ZNF180: variants seen among roughly 807,000 people sequenced by gnomAD.
ZNF180 encodes the protein zinc finger protein 180.
ZNF180 carries 11 observed loss-of-function variants against 11.8 expected under a neutral mutation model. The observed-to-expected ratio is 0.93, with a 90% confidence interval of 0.59 to 1.55. The LOEUF (loss-of-function observed/expected upper bound fraction) is 1.55, where lower values mean the gene tolerates loss of function less well. ZNF180 is among the 40% of genes most tolerant of loss of function. The pLI, the probability that ZNF180 is intolerant of heterozygous loss-of-function variation, is 0.00. For missense variants in ZNF180, 773 were observed against 781.7 expected (o/e 0.99, Z 0.13); for synonymous variants, 287 against 257.7 (o/e 1.11, Z -1.09).
chr19:44,498,181 C>T (rs1249281989), intron 1 of ZNF180, among the ~76,000 whole-genome samples: 1 of 152,154 alleles, frequency 6.6e-6, no homozygotes, highest in African/African-American at 2.4e-5. Flanking sequence ...CTGCATAGGG[C>T]TGGGGGCCTC....
chr19:44,476,269 CAATT>C lies in ZNF180; in HGVS notation c.*129_*132del. 1 of 876,306 alleles carries C rather than the reference CAATT, an allele frequency of 1.1e-6. No homozygotes were observed. 54.3% of individuals were successfully genotyped at this position (876,306 alleles called of 1,614,324 possible). ...TTTTCCAGAACAAATTTGAGACACA[CAATT>C]AACAGAGGGCTGGAAGTTTTCCCAC... On this transcript the variant is annotated 3_prime_UTR_variant, in exon 5 of 5. Transcript: ENST00000592529.
At chr19:44,497,079 T>A (rs1284351574) in intron 2 of ZNF180, among the ~76,000 whole-genome samples, 1 of 152,182 alleles carries the variant, frequency 6.6e-6, no homozygotes, top group Non-Finnish European at 1.5e-5. Flanking sequence ...GATGCCAAAT[T>A]CCTTCCAGAA....
At chr19:44,499,030 C>A (rs937680029) in intron 1 of ZNF180, among the ~76,000 whole-genome samples, 3 of 152,216 alleles carry the variant, frequency 2.0e-5, no homozygotes, top group Non-Finnish European at 4.4e-5. Context: ...GTGTCTCAAC[C>A]TGCCTGGGAC....
intron 3 of ZNF180, 196 bp from the exon 4 acceptor site, chr19:44,479,605 C>T (rs1669786254): frequency 1.7e-6 from 1 of 601,176 alleles, no homozygotes; most frequent in African/African-American, 1.9e-5. Context: ...GATGCTGGAC[C>T]TGTTTTTACA....
intron 3 of ZNF180, among the ~76,000 whole-genome samples, chr19:44,481,538 C>T (rs920280471): frequency 6.6e-6 from 1 of 152,080 alleles, no homozygotes; most frequent in Admixed American, 6.5e-5. Flanking sequence ...TAATACTAAA[C>T]TAGATTAGCA....
In ZNF180 at chr19:44,476,755, G is replaced by T. The variant is rs1568421505; in HGVS notation, c.1645C>A (p.Pro549Thr). 1 of 1,614,132 alleles carries T rather than the reference G, an allele frequency of 6.2e-7. No individual in the cohort carries two copies. Among genetic ancestry groups the T allele is most frequent in the Non-Finnish European group, 8.5e-7 (1 of 1,179,998 alleles). ...MHQRIHTGEKPYECNQCGKSF... is the reference protein window; with the variant it reads ...MHQRIHTGEKTYECNQCGKSF... ...TTCCCACACTGATTACATTCATACG[G>T]TTTTTCCCCAGTGTGAATTCTCTGA... Residue 549 changes from proline to threonine, a missense_variant, in exon 5 of 5, where the codon CCG (proline) becomes ACG (threonine). Physicochemically the swap from Pro to Thr is conservative, Grantham distance 38. Coordinates refer to ENST00000592529, the MANE Select transcript of ZNF180 (RefSeq NM_001278509.3).
rs1367367371 is a variant in ZNF180, at chr19:44,476,634, T to C, written c.1766A>G (p.Gln589Arg). The change falls in exon 5 of 5, where the codon CAG (glutamine) becomes CGG (arginine). Residue 589 changes from glutamine (Q) to arginine (R), a missense_variant. Transcript: ENST00000592529. ...CTGATGTTGAGTAAGGCATGAACTC[T>C]GTCTGAAGGACTTCCCACATTGACT... is the stretch of plus-strand genomic sequence containing the variant. ...ECSQCGKSFRQSSCLTQHQRT... is the reference protein window; with the variant it reads ...ECSQCGKSFRRSSCLTQHQRT... 3 of 1,614,064 alleles carry C rather than the reference T, an allele frequency of 1.9e-6. No individual in the cohort carries two copies. Among genetic ancestry groups the C allele is most frequent in the African/African-American group, 2.7e-5 (2 of 74,946 alleles).
chr19:44,477,976 G>A lies in ZNF180; in HGVS notation c.424C>T (p.Gln142Ter). 2 of 1,613,968 alleles carry A rather than the reference G, an allele frequency of 1.2e-6. No homozygotes were observed. Among genetic ancestry groups the A allele is most frequent in the Non-Finnish European group, 1.7e-6 (2 of 1,179,968 alleles). Reference sequence around the variant, plus strand: ...GCCACTTCCTGCAAAAGTATCTCTTGTTTTTCCTGTTGCTTCTCCAACTGG... The same window carrying A: ...GCCACTTCCTGCAAAAGTATCTCTTATTTTTCCTGTTGCTTCTCCAACTGG... ...KDQLEKQQEK[Q>*]EILLQEVAFT... Residue 142 changes from glutamine (Q) to a stop codon, truncating the protein, a stop_gained, in exon 5 of 5, where the codon CAA becomes TAA. Coordinates refer to ENST00000592529, the MANE Select transcript of ZNF180 (RefSeq NM_001278509.3). LOFTEE classifies it low-confidence loss of function (END_TRUNC).
intron 3 of ZNF180, among the ~76,000 whole-genome samples, chr19:44,482,944 T>A (rs1970120870): frequency 6.6e-6 from 1 of 152,234 alleles, no homozygotes; most frequent in Non-Finnish European, 1.5e-5. Flanking sequence ...CATCAGTTCA[T>A]ATGGCTAACC....
Position 44,477,688 on chromosome 19 carries a change from T to C in ZNF180, c.712A>G (p.Arg238Gly), listed in dbSNP as rs1279598572. ...TAGGATTTATCTTTTGTTTGAGTTCTTGTAAACTGAATAAGGTGAATGCTC... is the reference window on the plus strand; with the variant it reads ...TAGGATTTATCTTTTGTTTGAGTTCCTGTAAACTGAATAAGGTGAATGCTC... ...PQSIHLIQFT[R>G]TQTKDKSYGF... The change falls in exon 5 of 5, where the codon AGA becomes GGA. Residue 238 changes from arginine (R) to glycine (G), a missense_variant. Physicochemically the swap from Arg to Gly is moderately radical, Grantham distance 125. Coordinates refer to ENST00000592529, the MANE Select transcript of ZNF180 (RefSeq NM_001278509.3). 4 of 1,613,928 alleles carry C rather than the reference T, an allele frequency of 2.5e-6. No homozygotes were observed. The highest frequency in any genetic ancestry group is 1.1e-5 in the South Asian group (1 of 91,090).
rs1358488315 is a variant in ZNF180 at position 44,478,070 on chromosome 19, C to T, written c.330G>A (p.Val110=). Residue 110 remains valine, a synonymous_variant, in exon 5 of 5, where the codon GTG becomes GTA. Coordinates refer to ENST00000592529, the MANE Select transcript of ZNF180 (RefSeq NM_001278509.3). ...CATCCCTTGTAAACCTTTCTATCTT[C>T]ACTCCATTAGCTGGTTCTTCATCAA... ...RIFDEEPANG[V]KIERFTRDDP... 1 of 1,612,776 alleles carries T rather than the reference C, an allele frequency of 6.2e-7. No homozygotes were observed. The highest frequency in any genetic ancestry group is 1.3e-5 in the African/African-American group (1 of 74,918).
At chr19:44,478,194 G>A (rs1401868886) in intron 4 of ZNF180, 48 bp from the exon 5 acceptor site, 267 of 1,431,672 alleles carry the variant, frequency 1.9e-4, no homozygotes, top group South Asian at 9.2e-4. Flanking sequence ...TATTAGAGAT[G>A]GAAAAATGGA....
At position 44,500,411 on chromosome 19, in the gene ZNF180, G is replaced by A; in HGVS notation, c.-180C>T. On this transcript the variant is annotated 5_prime_UTR_variant, in exon 1 of 5. Transcript: ENST00000592529. ...AACACGGCCGACTCGGGTTAAGCTAGTTCGGTCCCCTCTCCTAGTCAGCAT... is the reference window on the plus strand; with the variant it reads ...AACACGGCCGACTCGGGTTAAGCTAATTCGGTCCCCTCTCCTAGTCAGCAT... 1.3e-6 allele frequency: 1 copy of A among 748,816 alleles called. No homozygotes were observed. Among genetic ancestry groups the A allele is most frequent in the Non-Finnish European group, 2.2e-6 (1 of 448,526 alleles). 46.4% of individuals were successfully genotyped at this position (748,816 alleles called of 1,614,324 possible).
At chr19:44,496,797 T>C (rs1970600117) in intron 2 of ZNF180, 1 of 152,190 alleles carries the variant, frequency 6.6e-6, no homozygotes, top group Non-Finnish European at 1.5e-5. Context: ...TTCTAACATA[T>C]TTTCTATATA....
At chr19:44,489,920 GAA>G (rs1970388025) in intron 2 of ZNF180, among the ~76,000 whole-genome samples, 2 of 131,128 alleles carry the variant, frequency 1.5e-5, no homozygotes, top group Non-Finnish European at 3.3e-5. Context: ...GAAAAAGAAA[GAA>G]AGAGAGAGAG....
chr19:44,479,898 G>T (rs532732722), intron 3 of ZNF180, among the ~76,000 whole-genome samples: 1 of 152,194 alleles, frequency 6.6e-6, no homozygotes, highest in South Asian at 2.1e-4. Flanking sequence ...TAAACAAATG[G>T]GTGTGGCTAC....
intron 2 of ZNF180, among the ~76,000 whole-genome samples, chr19:44,488,189 C>T (rs1356501135): frequency 5.0e-5 from 2 of 39,792 alleles, no homozygotes; most frequent in Non-Finnish European, 9.2e-5. Flanking sequence ...TCTCTTTCCA[C>T]GGTCTCCCTC....
intron 2 of ZNF180, among the ~76,000 whole-genome samples, chr19:44,489,230 G>A (rs1306535202): frequency 7.4e-6 from 1 of 134,792 alleles, no homozygotes; most frequent in Non-Finnish European, 1.6e-5. Flanking sequence ...CACCCCGTCT[G>A]GGAGGTGTAC....
At chr19:44,499,342 G>T (rs927536831) in intron 1 of ZNF180, among the ~76,000 whole-genome samples, 1 of 152,124 alleles carries the variant, frequency 6.6e-6, no homozygotes, top group African/African-American at 2.4e-5. Flanking sequence ...ACATTCTCAC[G>T]CCTGCAAATA....
Sources: gnomAD v4.1 joint callset for allele counts (sites outside exome capture counted in the v4.1 genomes callset) on GRCh38, gnomAD v4.1.1 for gene constraint, MANE v1.5 for transcripts, NCBI Gene and HGNC (gene_info 2026-07-23, HGNC 2026-07-21) for gene names.